Variants in AVEN observed in about 807,000 individuals in gnomAD.
AVEN encodes apoptosis and caspase activation inhibitor.
AVEN carries 41 observed loss-of-function variants against 38.1 expected under a neutral mutation model. The ratio of observed to expected loss-of-function variants is 1.08; its 90% CI spans 0.84 to 1.40. The LOEUF (loss-of-function observed/expected upper bound fraction) is 1.40, where lower values mean the gene tolerates loss of function less well. Among genes scored for constraint, AVEN ranks in the 40% most tolerant of loss-of-function variants. AVEN has a pLI of 0.00. For missense variants in AVEN, 605 were observed against 438.8 expected (o/e 1.38, Z -3.38); for synonymous variants, 206 against 171.8 (o/e 1.20, Z -1.56).
chr15:33,866,604 TTCCCCTTTTTA>T lies in AVEN; in HGVS notation c.1087_*8del, dbSNP rs746205506. On this transcript the variant is annotated stop_lost and 3_prime_UTR_variant, in exon 6 of 6. Coordinates refer to ENST00000306730, the MANE Select transcript of AVEN (RefSeq NM_020371.3). ...CCAAGATTTGCTTCAGGCACTTTTT[TTCCCCTTTTTA>T]GGAAATCATGCTGTCCAACCAGTCT... 1 of 1,609,504 alleles carries T rather than the reference TTCCCCTTTTTA, an allele frequency of 6.2e-7. No homozygotes were observed. Among genetic ancestry groups the T allele is most frequent in the East Asian group, 2.2e-5 (1 of 44,856 alleles).
chr15:34,069,630 C>T (rs1174960616), intron 2 of AVEN, among the ~76,000 whole-genome samples: 4 of 152,012 alleles, frequency 2.6e-5, no homozygotes, highest in South Asian at 2.1e-4. Context: ...TAATATTGAT[C>T]GATGTTTTAA....
chr15:34,001,386 A>G (rs1335740441), intron 2 of AVEN, among the ~76,000 whole-genome samples: 1 of 152,190 alleles, frequency 6.6e-6, no homozygotes, highest in Non-Finnish European at 1.5e-5. Context: ...AGATACTAGT[A>G]ACTGACTACA....
downstream of AVEN, chr15:33,858,280 T>C (rs1028773895): frequency 5.8e-5 from 11 of 190,002 alleles, no homozygotes; most frequent in Non-Finnish European, 1.1e-4. Flanking sequence ...TCTCAGCTCA[T>C]TGCAACCTCC....
At chr15:34,038,652 G>T (rs1899281966) in intron 1 of AVEN, 128 bp downstream of exon 1, 2 of 863,216 alleles carry the variant, frequency 2.3e-6, no homozygotes, top group Non-Finnish European at 2.9e-6. Context: ...CCCGTCCCGC[G>T]CAGGCGCCGG....
At chr15:33,865,262 CAACTTCCCATGAAAT>C (rs780854600), downstream of AVEN, 17 of 1,465,758 alleles carry the variant, frequency 1.2e-5, 1 homozygote, top group East Asian at 3.4e-4. Flanking sequence ...TCTGGACAGT[CAACTTCCCATGAAAT>C]AAAGTCCCCT....
chr15:33,861,028 C>T (rs372844027), intron 11 of AVEN: 57 of 1,318,780 alleles, frequency 4.3e-5, no homozygotes, highest in Non-Finnish European at 5.8e-5. Context: ...GTTTTCTCTC[C>T]TGCCTATATT....
Position 33,875,071 on chromosome 15 carries a change from C to T in AVEN, c.516+854G>A, listed in dbSNP as rs150555891. Among the ~76,000 whole-genome samples the T allele has an allele frequency of 2.5e-3, 383 of 152,258 alleles. 3 individuals are homozygous for T. The highest frequency in any genetic ancestry group is 2.6e-3 in the Non-Finnish European group (177 of 68,026). On this transcript the variant is annotated intron_variant, in intron 3 of 5. Coordinates refer to ENST00000306730, the MANE Select transcript of AVEN (RefSeq NM_020371.3). The stretch of plus-strand genomic sequence containing the variant: ...GACTCCCCTCCTCGTAATCCGTATG[C>T]GTCAAAGGCCATCCCAAACAATTGA...
intron 2 of AVEN, among the ~76,000 whole-genome samples, chr15:33,928,430 A>G (rs1893710948): frequency 6.6e-6 from 1 of 152,148 alleles, no homozygotes; most frequent in Admixed American, 6.5e-5. Context: ...GTTACTGGAA[A>G]GGTGGCCCTG....
intron 1 of AVEN, among the ~76,000 whole-genome samples, chr15:34,015,232 C>A (rs990457221): frequency 6.6e-6 from 1 of 152,110 alleles, no homozygotes; most frequent in Non-Finnish European, 1.5e-5. Flanking sequence ...GCCTGTAATC[C>A]CAGCACTTTC....
chr15:33,946,651 TAC>T (rs972157804), intron 2 of AVEN, among the ~76,000 whole-genome samples: 1 of 152,074 alleles, frequency 6.6e-6, no homozygotes, highest in African/African-American at 2.4e-5. Flanking sequence ...CAGTTTTTGC[TAC>T]AGAGCAGAGA....
At chr15:33,965,328 G>T (rs1053087740) in intron 2 of AVEN, among the ~76,000 whole-genome samples, 4 of 152,002 alleles carry the variant, frequency 2.6e-5, no homozygotes, top group Non-Finnish European at 5.9e-5. Flanking sequence ...TTTATTAACT[G>T]AAAAATAATC....
At chr15:33,865,512 C>T (rs112707125), downstream of AVEN, 4,365 of 326,570 alleles carry the variant, frequency 0.013, 127 homozygotes, top group African/African-American at 0.07. Flanking sequence ...GTAACTAGTT[C>T]AGTTTGTTGG....
intron 2 of AVEN, among the ~76,000 whole-genome samples, chr15:33,919,384 G>A (rs1293010341): frequency 6.6e-6 from 1 of 152,136 alleles, no homozygotes; most frequent in Non-Finnish European, 1.5e-5. Context: ...TCTAACTTTA[G>A]AAAGACAAAT....
intron 2 of AVEN, among the ~76,000 whole-genome samples, chr15:33,996,382 T>A (rs1896934491): frequency 6.6e-6 from 1 of 152,224 alleles, no homozygotes; most frequent in Non-Finnish European, 1.5e-5. Context: ...CCTCCTCAAG[T>A]GGGTCCCTGA....
intron 2 of AVEN, among the ~76,000 whole-genome samples, chr15:33,903,716 T>C (rs1597213914): frequency 2.0e-5 from 3 of 152,118 alleles, no homozygotes; most frequent in Non-Finnish European, 4.4e-5. Context: ...AAACATGGTA[T>C]ATATAAAAGA....
At chr15:34,062,802 G>A (rs746417976) in intron 5 of AVEN, 1 of 1,614,222 alleles carries the variant, frequency 6.2e-7, no homozygotes, top group South Asian at 1.1e-5. Context: ...CAGGTTGTGG[G>A]AAGTCATCAC....
chr15:33,986,743 G>T (rs898923646), intron 2 of AVEN, among the ~76,000 whole-genome samples: 1 of 148,926 alleles, frequency 6.7e-6, no homozygotes, highest in Admixed American at 6.7e-5. Flanking sequence ...TGCAACCTCC[G>T]CCTCCCAGGT....
At chr15:34,050,444 A>C (rs1441817356) in intron 5 of AVEN, among the ~76,000 whole-genome samples, 1 of 152,146 alleles carries the variant, frequency 6.6e-6, no homozygotes, top group Non-Finnish European at 1.5e-5. Flanking sequence ...CCACATAAAA[A>C]TGTCTGCAAA....
In AVEN at chr15:33,894,832, TAATAATAA is replaced by T. The variant is rs1567401366; in HGVS notation, c.446-18845_446-18838del. ...CTCAAAAAAAAAAAAATAATAACAA[TAATAATAA>T]TAATAATAATAATAGAATGCTGTTT... is the stretch of plus-strand genomic sequence containing the variant. On this transcript the variant is annotated intron_variant, in intron 2 of 5. Transcript: ENST00000306730. 4.1e-3 allele frequency among the ~76,000 whole-genome samples: 14 copies of T among 3,398 alleles called. No individual in the cohort carries two copies. In the East Asian group the frequency reaches 0.22, roughly 53 times the overall value. 2.2% of individuals were successfully genotyped at this position (3,398 alleles called of 152,430 possible).
Sources: allele counts gnomAD v4.1 joint callset (sites outside exome capture counted in the v4.1 genomes callset), GRCh38; gene constraint gnomAD v4.1.1; transcripts MANE v1.5; gene names NCBI Gene and HGNC (gene_info 2026-07-23, HGNC 2026-07-21).